Variants in CNTN4 observed in about 807,000 individuals in gnomAD.
CNTN4 encodes the protein contactin-4.
In CNTN4, 77 loss-of-function variants were observed where a neutral mutation model predicts 122.5. The observed-to-expected ratio is 0.63, with a 90% CI of 0.52 to 0.76. The LOEUF is 0.76. CNTN4 is among the 30% of genes least tolerant of loss of function. The probability of loss-of-function intolerance (pLI) is 0.00; values close to 1 mark genes in which losing one functional copy is unlikely to be tolerated. For synonymous variants in CNTN4, 512 were observed against 447.0 expected (o/e 1.15, Z -1.83); for missense variants, 1,256 against 1,259.1 (o/e 1.00, Z 0.04).
chr3:2,474,218 T>C (rs906138028), intron 3 of CNTN4, among the ~76,000 whole-genome samples: 1 of 152,144 alleles, frequency 6.6e-6, no homozygotes, highest in African/African-American at 2.4e-5. Context: ...ACATATATCG[T>C]AATTGTTTGG....
intron 3 of CNTN4, among the ~76,000 whole-genome samples, chr3:2,478,227 G>A (rs1050920792): frequency 3.9e-5 from 6 of 151,996 alleles, no homozygotes; most frequent in Admixed American, 6.6e-5. Context: ...TCAGAGTGTC[G>A]CATAATGCAT....
rs1222308148 is a variant in CNTN4, at chr3:3,039,908, G to A, written c.2164-129G>A. 7 of 730,318 alleles carry A rather than the reference G, an allele frequency of 9.6e-6. No homozygotes were observed. The East Asian group carries it at 1.6e-4, about 17-fold the overall frequency. 45.2% of individuals were successfully genotyped at this position (730,318 alleles called of 1,614,324 possible). A position where few individuals can be genotyped will look rare whatever the true frequency, so the allele number is the denominator to read the frequency against. On this transcript the variant is annotated intron_variant, in intron 19 of 24. Coordinates refer to ENST00000418658, the MANE Select transcript of CNTN4 (RefSeq NM_175607.3). ...CTGCAAGCCCTAAATTTAAAAGACT[G>A]TTAACAAAACGCCAAATAAGATGGG...
intron 2 of CNTN4, among the ~76,000 whole-genome samples, chr3:2,227,654 G>C (rs1322017756): frequency 6.6e-6 from 1 of 152,152 alleles, no homozygotes; most frequent in East Asian, 1.9e-4. Context: ...ACACAGAGAA[G>C]AGTGGCCAGC....
At position 2,162,525 on chromosome 3, in the gene CNTN4, A is replaced by G. The variant is rs78372282; in HGVS notation, c.-145+61886A>G. On this transcript the variant is annotated intron_variant, in intron 2 of 24. Transcript: ENST00000418658. ...GGAAAACCCATAAGGCTCCCCAGTC[A>G]TCTACCTCAAATCTTGAGGAGTCTC... Among the ~76,000 whole-genome samples the G allele has an allele frequency of 5.0e-3, 760 of 152,334 alleles. 6 individuals carry two copies. Among genetic ancestry groups the G allele is most frequent in the African/African-American group, 0.018 (729 of 41,572 alleles).
intron 3 of CNTN4, among the ~76,000 whole-genome samples, chr3:2,457,275 C>T (rs908659677): frequency 6.6e-6 from 1 of 151,964 alleles, no homozygotes; most frequent in Non-Finnish European, 1.5e-5. Context: ...TAATTATTAC[C>T]ATCATTGCCA....
intron 4 of CNTN4, among the ~76,000 whole-genome samples, chr3:2,617,715 G>A (rs2081826460): frequency 6.6e-6 from 1 of 151,842 alleles, no homozygotes; most frequent in Admixed American, 6.6e-5. Flanking sequence ...GCCACTGGTG[G>A]CCGACCCGAG....
intron 4 of CNTN4, among the ~76,000 whole-genome samples, chr3:2,692,022 CTTGTTA>C (rs1259398971): frequency 1.3e-5 from 2 of 152,106 alleles, no homozygotes; most frequent in African/African-American, 4.8e-5. Context: ...ACCCTGCGTC[CTTGTTA>C]TTGTTAGGCA....
At chr3:2,898,704 A>G (rs1174380929) in intron 10 of CNTN4, among the ~76,000 whole-genome samples, 5 of 152,192 alleles carry the variant, frequency 3.3e-5, no homozygotes, top group Non-Finnish European at 7.4e-5. Context: ...ACATTGCTTC[A>G]TAAGTTACAT....
intron 3 of CNTN4, among the ~76,000 whole-genome samples, chr3:2,429,773 T>C (rs2047989215): frequency 1.3e-5 from 2 of 152,194 alleles, no homozygotes; most frequent in Non-Finnish European, 2.9e-5. Flanking sequence ...TACTCAAGCC[T>C]CAGCAATGGT....
At chr3:2,392,550 C>T (rs2046478119) in intron 3 of CNTN4, among the ~76,000 whole-genome samples, 1 of 152,032 alleles carries the variant, frequency 6.6e-6, no homozygotes, top group South Asian at 2.1e-4. Context: ...ATATGGGGTA[C>T]AGTGTGATCT....
intron 3 of CNTN4, among the ~76,000 whole-genome samples, chr3:2,504,228 G>A (rs966374609): frequency 6.6e-6 from 1 of 152,066 alleles, no homozygotes; most frequent in Non-Finnish European, 1.5e-5. Flanking sequence ...TCAGTTTAAG[G>A]CATTATTAAG....
At chr3:2,459,673 C>A (rs1264987676) in intron 3 of CNTN4, among the ~76,000 whole-genome samples, 1 of 152,040 alleles carries the variant, frequency 6.6e-6, no homozygotes, top group African/African-American at 2.4e-5. Flanking sequence ...AGAGGCGGTA[C>A]TAAAGACAGC....
chr3:2,884,522 G>A (rs952560479), intron 9 of CNTN4, among the ~76,000 whole-genome samples: 1 of 152,120 alleles, frequency 6.6e-6, no homozygotes. Context: ...GACATTAAAA[G>A]TCAAGTTGCA....
intron 3 of CNTN4, among the ~76,000 whole-genome samples, chr3:2,517,282 G>A (rs1451522354): frequency 1.3e-5 from 2 of 152,094 alleles, no homozygotes; most frequent in Admixed American, 1.3e-4. Flanking sequence ...AGTTAATGGG[G>A]ATATTCCATC....
intron 2 of CNTN4, among the ~76,000 whole-genome samples, chr3:2,278,998 A>C (rs1006055002): frequency 2.6e-5 from 4 of 151,994 alleles, no homozygotes; most frequent in African/African-American, 9.7e-5. Flanking sequence ...ATGCCCATCA[A>C]GTTAAAATTA....
At chr3:2,777,844 T>A (rs2091390165) in intron 6 of CNTN4, among the ~76,000 whole-genome samples, 1 of 152,216 alleles carries the variant, frequency 6.6e-6, no homozygotes, top group Non-Finnish European at 1.5e-5. Flanking sequence ...TTCTCTTTTA[T>A]TGACTTAACC....
rs367609485 is a variant in CNTN4 at position 2,453,422 on chromosome 3, AGCT to A, written c.-89+114193_-89+114195del. On this transcript the variant is annotated intron_variant, in intron 3 of 24. Coordinates refer to ENST00000418658, the MANE Select transcript of CNTN4 (RefSeq NM_175607.3). ...GAAAATCTCGAAAAGCAGTAATGAT[AGCT>A]GCTTGTTGTTAGTACTTATGAGGCA... Among the ~76,000 whole-genome samples the A allele has an allele frequency of 4.6e-4, 70 of 152,286 alleles. No individual in the cohort carries two copies. In the South Asian group the frequency reaches 0.014, roughly 30 times the overall value.
intron 2 of CNTN4, among the ~76,000 whole-genome samples, chr3:2,318,340 C>T (rs142149287): frequency 7.2e-5 from 11 of 152,002 alleles, no homozygotes; most frequent in African/African-American, 2.4e-4. Flanking sequence ...AAGAACTGTT[C>T]TTACCAGAAA....
At chr3:2,722,733 C>G (rs1372818840) in intron 4 of CNTN4, among the ~76,000 whole-genome samples, 1 of 152,152 alleles carries the variant, frequency 6.6e-6, no homozygotes, top group Non-Finnish European at 1.5e-5. Context: ...GTGTGCATGC[C>G]ACTTTACCTT....
Sources: allele counts gnomAD v4.1 joint callset (sites outside exome capture counted in the v4.1 genomes callset), GRCh38; gene constraint gnomAD v4.1.1; transcripts MANE v1.5; gene names NCBI Gene and HGNC (gene_info 2026-07-23, HGNC 2026-07-21).